The following SI variants were observed in gnomAD, a reference collection of about 807,000 sequenced individuals.
SI encodes sucrase-isomaltase, also known as sucrase-isomaltase, intestinal.
A neutral mutation model predicts 253.3 loss-of-function variants in SI; 235 were observed. That is an observed-to-expected ratio of 0.93 (90% CI 0.83 to 1.03). The LOEUF (loss-of-function observed/expected upper bound fraction) is 1.03. Ranked by LOEUF, SI falls within the 50% of genes least tolerant of loss-of-function variation. The pLI, the probability that SI is intolerant of heterozygous loss-of-function variation, is 0.00. For synonymous variants in SI, 819 were observed against 712.0 expected, an observed-to-expected ratio of 1.15 and a Z score of -2.39; for missense variants, 2,442 against 2,211.1, an observed-to-expected ratio of 1.10 and a Z score of -2.09.
Position 164,979,689 on chromosome 3 carries a change from A to G in SI, c.5416-259T>C, listed in dbSNP as rs112436296. On this transcript the variant is annotated intron_variant, in intron 47 of 47. Coordinates refer to ENST00000264382, the MANE Select transcript of SI (RefSeq NM_001041.4). Reference sequence around the variant, plus strand: ...AGATACTGAAAAACCCAAAACTCTCAGCCAATTTTATTGATTTCTATGACT... The same window carrying G: ...AGATACTGAAAAACCCAAAACTCTCGGCCAATTTTATTGATTTCTATGACT... Among the ~76,000 whole-genome samples, 101 of 151,890 alleles carry G rather than the reference A, an allele frequency of 6.6e-4. 1 individual carries two copies. Among genetic ancestry groups the G allele is most frequent in the African/African-American group, 2.3e-3 (96 of 41,522 alleles).
intron 12 of SI, among the ~76,000 whole-genome samples, chr3:165,058,052 ATT>A (rs900852443): frequency 2.0e-5 from 2 of 101,412 alleles, no homozygotes; most frequent in African/African-American, 3.0e-5. Flanking sequence ...GTCTTAAAAT[ATT>A]TTTTTTTAAA....
At chr3:164,994,221 C>T in intron 41 of SI, 36 bp downstream of exon 41, 1 of 1,583,768 alleles carries the variant, frequency 6.3e-7, no homozygotes, top group Non-Finnish European at 8.7e-7. Context: ...TGAAAAGTAT[C>T]TCTCTGTGAT....
At chr3:165,006,689 G>C in intron 37 of SI, 127 bp downstream of exon 37, 3 of 765,916 alleles carry the variant, frequency 3.9e-6, no homozygotes, top group African/African-American at 1.8e-5. Context: ...GAAGGAAGAA[G>C]TTACAGAGAA....
Position 165,015,104 on chromosome 3 carries a change from C to T in SI, c.3999+19G>A. On this transcript the variant is annotated intron_variant, in intron 33 of 47. Coordinates refer to ENST00000264382, the MANE Select transcript of SI (RefSeq NM_001041.4). ...TATAATTTTTGTATTTATTCTATTT[C>T]AAGATATCGATTTAGTACCTTTGCC... 6.5e-7 allele frequency: 1 copy of T among 1,549,850 alleles called. No individual in the cohort carries two copies. The highest frequency in any genetic ancestry group is 1.1e-5 in the South Asian group (1 of 89,616).
Position 165,030,708 on chromosome 3 carries a change from T to C in SI, c.2892+4A>G, listed in dbSNP as rs759131943. ...TCATGAGTAATAGTTAAAATTATTA[T>C]TACCGTTCTCCATACACAGCCACGT... On this transcript the variant is annotated splice_donor_region_variant and intron_variant, in intron 25 of 47. Coordinates refer to ENST00000264382, the MANE Select transcript of SI (RefSeq NM_001041.4). 2.5e-6 allele frequency: 4 copies of C among 1,607,402 alleles called. No homozygotes were observed. Among genetic ancestry groups the C allele is most frequent in the Admixed American group, 1.7e-5 (1 of 59,518 alleles).
rs1714817674 is a variant in SI at position 165,074,531 on chromosome 3, C to A, written c.255G>T (p.Glu85Asp). ...INCIPEQFPT[E>D]GICAQRGCCW... Reference sequence around the variant, plus strand: ...AATATTAAAGACTTTTGCTGCAGACCTCTGTTGGGAATTGTTCTGGAATGC... The same window carrying A: ...AATATTAAAGACTTTTGCTGCAGACATCTGTTGGGAATTGTTCTGGAATGC... The change falls in exon 3 of 48, where the codon GAG (glutamate) becomes GAT (aspartate). Residue 85 changes from glutamate (E) to aspartate (D), a missense_variant and splice_region_variant. Transcript: ENST00000264382. 2 of 1,597,670 alleles carry A rather than the reference C, an allele frequency of 1.3e-6. No homozygotes were observed. The highest frequency in any genetic ancestry group is 2.7e-5 in the African/African-American group (2 of 74,410).
intron 14 of SI, among the ~76,000 whole-genome samples, chr3:165,049,500 C>T (rs1050471429): frequency 6.6e-6 from 1 of 151,972 alleles, no homozygotes; most frequent in African/African-American, 2.4e-5. Flanking sequence ...ACTTCGATAA[C>T]AAATAATTTA....
In SI at chr3:165,018,494, T is replaced by G. The variant is rs138844566; in HGVS notation, c.3424-428A>C. ...AATGTCCTAGAAATGATAAAAGTGA[T>G]GAATACAATTAAACTGTCCAGAAAA... On this transcript the variant is annotated intron_variant, in intron 28 of 47. Coordinates refer to ENST00000264382, the MANE Select transcript of SI (RefSeq NM_001041.4). Among the ~76,000 whole-genome samples the G allele has an allele frequency of 2.3e-3, 340 of 150,838 alleles. 1 individual carries two copies. Among genetic ancestry groups the G allele is most frequent in the African/African-American group, 7.3e-3 (304 of 41,388 alleles).
At chr3:165,073,812 AC>A (rs1714758826) in intron 3 of SI, among the ~76,000 whole-genome samples, 2 of 151,920 alleles carry the variant, frequency 1.3e-5, no homozygotes, top group Non-Finnish European at 2.9e-5. Context: ...AGTTATAAAT[AC>A]TCTACAGATG....
chr3:165,074,898 A>C (rs6783643), intron 2 of SI, among the ~76,000 whole-genome samples: 88,625 of 151,748 alleles, frequency 0.58, 26,253 homozygotes, highest in East Asian at 0.81. Context: ...ACTGTTTCTG[A>C]AGAAATACAA....
At position 165,068,884 on chromosome 3, in the gene SI, A is replaced by C. The variant is rs1275674102; in HGVS notation, c.374-53T>G. On this transcript the variant is annotated intron_variant, in intron 4 of 47. Transcript: ENST00000264382. The stretch of plus-strand genomic sequence containing the variant: ...AGTGACTTGATTTATAATGTTAACA[A>C]TTATTAAATATATTTATGTTATTGT... The C allele has an allele frequency of 5.2e-5, 61 of 1,180,188 alleles. No individual in the cohort carries two copies. The East Asian group carries it at 1.4e-3, about 27-fold the overall frequency. 73.1% of individuals were successfully genotyped at this position (1,180,188 alleles called of 1,614,324 possible). A position where few individuals can be genotyped will look rare whatever the true frequency, so the allele number is the denominator to read the frequency against.
chr3:165,037,051 G>C (rs1487212409), intron 21 of SI, among the ~76,000 whole-genome samples: 5 of 151,508 alleles, frequency 3.3e-5, no homozygotes, highest in African/African-American at 1.2e-4. Flanking sequence ...TTACCAAAGT[G>C]TTTGTTGCTG....
intron 3 of SI, among the ~76,000 whole-genome samples, chr3:165,070,364 A>ATG (rs1186168929): frequency 4.3e-4 from 60 of 139,706 alleles, no homozygotes; most frequent in Middle Eastern, 3.6e-3. Flanking sequence ...ATATATATAT[A>ATG]TGTGTGTGTG....
chr3:165,036,088 C>T (rs1712514742), intron 22 of SI, among the ~76,000 whole-genome samples: 1 of 151,478 alleles, frequency 6.6e-6, no homozygotes, highest in African/African-American at 2.4e-5. Context: ...AAATATAATG[C>T]AATTAGTATA....
At chr3:165,024,312 C>T (rs759218510) in intron 25 of SI, among the ~76,000 whole-genome samples, 6 of 151,216 alleles carry the variant, frequency 4.0e-5, no homozygotes, top group Non-Finnish European at 8.9e-5. Context: ...ATTGGTTTAA[C>T]ATAGAAGTGA....
At chr3:165,039,849 A>G (rs978150900) in intron 19 of SI, 38 bp downstream of exon 19, 2 of 1,399,718 alleles carry the variant, frequency 1.4e-6, no homozygotes, top group Non-Finnish European at 2.0e-6. Context: ...AGTTATACAA[A>G]GTTCAAACAA....
intron 3 of SI, among the ~76,000 whole-genome samples, chr3:165,070,142 ATGT>A (rs1166943885): frequency 6.9e-6 from 1 of 145,364 alleles, no homozygotes; most frequent in African/African-American, 2.5e-5. Flanking sequence ...TATGGGATAT[ATGT>A]ATATTTATTA....
At chr3:165,018,114 G>C in intron 28 of SI, 48 bp from the exon 29 acceptor site, 1 of 1,053,564 alleles carries the variant, frequency 9.5e-7, no homozygotes, top group Non-Finnish European at 1.5e-6. Context: ...ACAATAGCAT[G>C]TGAATTTAAT....
intron 17 of SI, among the ~76,000 whole-genome samples, chr3:165,042,813 T>C (rs1402402030): frequency 1.3e-5 from 2 of 152,124 alleles, no homozygotes; most frequent in Non-Finnish European, 2.9e-5. Context: ...CAGTTATGCG[T>C]TAGTCTCAAC....
Sources: allele counts gnomAD v4.1 joint callset (sites outside exome capture counted in the v4.1 genomes callset), GRCh38; gene constraint gnomAD v4.1.1; transcripts MANE v1.5; gene names NCBI Gene and HGNC (gene_info 2026-07-23, HGNC 2026-07-21).